The following NUP35 variants were observed in gnomAD, a reference collection of about 807,000 sequenced individuals.
NUP35 encodes nucleoporin NUP35.
A neutral mutation model predicts 41.5 loss-of-function variants in NUP35; 25 were observed. The observed-to-expected ratio is 0.60, with a 90% CI of 0.44 to 0.84. NUP35 has a LOEUF of 0.84. Among genes scored for constraint, NUP35 ranks in the 40% least tolerant of loss-of-function variants. The pLI, the probability that NUP35 is intolerant of heterozygous loss-of-function variation, is 0.00. For missense variants in NUP35, 396 were observed against 396.6 expected (o/e 1.00, Z 0.01); for synonymous variants, 149 against 130.7 (o/e 1.14, Z -0.96).
At chr2:183,146,828 C>T (rs1391265899) in intron 4 of NUP35, among the ~76,000 whole-genome samples, 1 of 152,090 alleles carries the variant, frequency 6.6e-6, no homozygotes, top group African/African-American at 2.4e-5. Context: ...AACTCGTGAC[C>T]TCAGGTGATC....
At chr2:183,154,984 C>T (rs1239245442) in intron 5 of NUP35, among the ~76,000 whole-genome samples, 1 of 152,036 alleles carries the variant, frequency 6.6e-6, no homozygotes, top group Non-Finnish European at 1.5e-5. Flanking sequence ...GCGGAAGCCC[C>T]TGATAAACGC....
At chr2:183,146,554 A>G (rs949901907) in intron 4 of NUP35, among the ~76,000 whole-genome samples, 1 of 151,922 alleles carries the variant, frequency 6.6e-6, no homozygotes, top group Non-Finnish European at 1.5e-5. Context: ...AACAGCATAT[A>G]AGGGTTCCCT....
At chr2:183,130,994 G>T in intron 3 of NUP35, 2 of 1,115,184 alleles carry the variant, frequency 1.8e-6, no homozygotes, top group Non-Finnish European at 2.4e-6. Context: ...TCTTTTTTTA[G>T]GGTCCCCAAC....
At position 183,130,467 on chromosome 2, in the gene NUP35, C is replaced by T. The variant is rs564735635; in HGVS notation, c.261C>T (p.Gly87=). The change falls in exon 3 of 9, where the codon GGC becomes GGT. Residue 87 remains glycine, a synonymous_variant. Transcript: ENST00000295119. ...PVVPAHKDKS[G]APPVRSIYDD... is the part of the protein sequence containing the mutation. ...TACCAGCTCATAAAGATAAAAGTGG[C>T]GCTCCACCAGTTAGAAGTATATATG... 5.6e-5 allele frequency: 90 copies of T among 1,603,472 alleles called. No individual in the cohort carries two copies. The Middle Eastern group carries it at 8.5e-4, about 15-fold the overall frequency.
At chr2:183,142,680 A>G (rs901658612) in intron 4 of NUP35, among the ~76,000 whole-genome samples, 1 of 151,724 alleles carries the variant, frequency 6.6e-6, no homozygotes, top group East Asian at 2.0e-4. Flanking sequence ...GGGTTTCACC[A>G]TGTTGGCCAG....
At chr2:183,119,633 G>A (rs911240382), upstream of NUP35, among the ~76,000 whole-genome samples, 8 of 152,050 alleles carry the variant, frequency 5.3e-5, no homozygotes, top group African/African-American at 1.9e-4. Context: ...AATAATGAGA[G>A]AATTGATTGG....
intron 4 of NUP35, among the ~76,000 whole-genome samples, chr2:183,149,407 A>AG (rs1247848279): frequency 8.6e-5 from 13 of 152,012 alleles, no homozygotes; most frequent in Admixed American, 8.5e-4. Context: ...AAAGAAAAAA[A>AG]GATTTGCAGG....
In NUP35 at chr2:183,161,348, T is replaced by C. The variant is rs1023152841; in HGVS notation, c.*217T>C. On this transcript the variant is annotated 3_prime_UTR_variant, in exon 9 of 9. Transcript: ENST00000295119. Reference sequence around the variant, plus strand: ...AAAGAAAACTAAAAATCCCTGTAAATAGGATTTTGTGCTTTCTGTAACAGT... The same window carrying C: ...AAAGAAAACTAAAAATCCCTGTAAACAGGATTTTGTGCTTTCTGTAACAGT... 8.3e-6 allele frequency: 3 copies of C among 360,782 alleles called. No individual in the cohort carries two copies. Among genetic ancestry groups the C allele is most frequent in the Non-Finnish European group, 1.5e-5 (3 of 193,570 alleles). The allele number at this position is 360,782 out of a possible 1,614,324, so 22.3% of individuals were successfully genotyped here.
chr2:183,118,403 A>G (rs1215771792), intron 1 of NUP35: 1 of 152,240 alleles, frequency 6.6e-6, no homozygotes, highest in African/African-American at 2.4e-5. Flanking sequence ...TTTTACACAA[A>G]AAAGGGTAAT....
At chr2:183,133,714 A>G (rs1684780098) in intron 4 of NUP35, 91 bp downstream of exon 4, 1 of 781,320 alleles carries the variant, frequency 1.3e-6, no homozygotes, top group Admixed American at 3.9e-5. Context: ...ATCACGGAGT[A>G]AACAACTCTG....
At chr2:183,141,121 T>G (rs1333706074) in intron 4 of NUP35, among the ~76,000 whole-genome samples, 1 of 148,678 alleles carries the variant, frequency 6.7e-6, no homozygotes, top group Non-Finnish European at 1.5e-5. Flanking sequence ...GCTTCCTTGT[T>G]TTTTTTTTTT....
chr2:183,133,323 CTTTTTTT>C (rs33994337), intron 3 of NUP35, among the ~76,000 whole-genome samples: 1 of 141,878 alleles, frequency 7.0e-6, no homozygotes, highest in Non-Finnish European at 1.5e-5. Flanking sequence ...AGAAGATAGT[CTTTTTTT>C]TTTTTTTTAA....
At chr2:183,141,737 T>G (rs1199143865) in intron 4 of NUP35, among the ~76,000 whole-genome samples, 1 of 152,234 alleles carries the variant, frequency 6.6e-6, no homozygotes, top group Non-Finnish European at 1.5e-5. Flanking sequence ...TATTTTAGTA[T>G]ACTCACTTTT....
intron 4 of NUP35, among the ~76,000 whole-genome samples, chr2:183,146,503 A>G (rs1273350162): frequency 6.6e-6 from 1 of 152,164 alleles, no homozygotes; most frequent in Admixed American, 6.5e-5. Context: ...CAAATCTCCA[A>G]ACCGCTTTCT....
intron 1 of NUP35, chr2:183,118,426 C>T (rs912958195): frequency 6.6e-6 from 1 of 152,140 alleles, no homozygotes; most frequent in Non-Finnish European, 1.5e-5. Flanking sequence ...GAACTATAAA[C>T]AGGTCTTCAT....
chr2:183,147,478 A>G (rs1425653844), intron 4 of NUP35, among the ~76,000 whole-genome samples: 1 of 152,114 alleles, frequency 6.6e-6, no homozygotes, highest in Non-Finnish European at 1.5e-5. Flanking sequence ...CAACTTTGTC[A>G]AAGATCCATT....
At chr2:183,138,269 A>ATATATTTTTTTTTTT in intron 4 of NUP35, among the ~76,000 whole-genome samples, 62 of 80,652 alleles carry the variant, frequency 7.7e-4, no homozygotes, top group South Asian at 4.9e-3. Context: ...ATATATATAT[A>ATATATTTTTTTTTTT]TTTTTTTTTT....
chr2:183,134,874 T>C (rs1282468734), intron 4 of NUP35, among the ~76,000 whole-genome samples: 1 of 151,904 alleles, frequency 6.6e-6, no homozygotes, highest in Middle Eastern at 3.4e-3. Flanking sequence ...TCTACCCACC[T>C]CGGCCTCCCA....
chr2:183,154,894 T>C (rs1373382455), intron 5 of NUP35, among the ~76,000 whole-genome samples: 1 of 152,178 alleles, frequency 6.6e-6, no homozygotes, highest in Non-Finnish European at 1.5e-5. Context: ...CAGTTCCACA[T>C]GGCTGGGGAG....
Sources: allele counts gnomAD v4.1 joint callset (sites outside exome capture counted in the v4.1 genomes callset), GRCh38; gene constraint gnomAD v4.1.1; transcripts MANE v1.5; gene names NCBI Gene and HGNC (gene_info 2026-07-23, HGNC 2026-07-21).